Variants in PAX3 observed in about 807,000 individuals in gnomAD.
PAX3 encodes paired box 3.
A neutral mutation model predicts 51.6 loss-of-function variants in PAX3; 14 were observed. That is an observed-to-expected ratio of 0.27 (90% CI 0.18 to 0.42). The LOEUF is 0.42. PAX3 is among the 10% of genes least tolerant of loss of function. The pLI is 1.00. For synonymous variants in PAX3, 280 were observed against 253.4 expected, an observed-to-expected ratio of 1.11 and a Z score of -1.00; for missense variants, 540 against 642.8, an observed-to-expected ratio of 0.84 and a Z score of 1.73.
At position 222,298,850 on chromosome 2, in the gene PAX3, A is replaced by C. The variant is rs1695455092; in HGVS notation, c.-235T>G. 1 of 589,160 alleles carries C rather than the reference A, an allele frequency of 1.7e-6. No homozygotes were observed. The highest frequency in any genetic ancestry group is 3.0e-6 in the Non-Finnish European group (1 of 329,130). The allele number at this position is 589,160 out of a possible 1,614,324, so 36.5% of individuals were successfully genotyped here. On this transcript the variant is annotated 5_prime_UTR_variant, in exon 1 of 9. Transcript: ENST00000392070. ...CCCCGGAGTCCAGGATCCCGAGCCCAGGGCGGAAAAGTTTGGTACGAGTCT... is the reference window on the plus strand; with the variant it reads ...CCCCGGAGTCCAGGATCCCGAGCCCCGGGCGGAAAAGTTTGGTACGAGTCT...
intron 4 of PAX3, chr2:222,263,899 G>A (rs1287067842): frequency 1.1e-4 from 17 of 152,142 alleles, no homozygotes; most frequent in Admixed American, 1.1e-3. Flanking sequence ...ATTACATACT[G>A]TATGATTCCA....
At chr2:222,258,430 G>GA (rs150822610) in intron 4 of PAX3, among the ~76,000 whole-genome samples, 1,741 of 151,696 alleles carry the variant, frequency 0.011, 37 homozygotes, top group African/African-American at 0.038. Context: ...AGGGTAATTT[G>GA]AAAAAAAATC....
At chr2:222,294,402 T>G in intron 3 of PAX3, 101 bp from the exon 4 acceptor site, 19 of 1,289,950 alleles carry the variant, frequency 1.5e-5, no homozygotes, top group Non-Finnish European at 2.0e-5. Flanking sequence ...GCCAGGGCCC[T>G]AGAGCCGCTG....
intron 4 of PAX3, 77 bp downstream of exon 4, chr2:222,294,090 G>C: frequency 6.2e-7 from 1 of 1,602,888 alleles, no homozygotes; most frequent in Non-Finnish European, 8.5e-7. Flanking sequence ...CTTGGCTGCC[G>C]TCAGATCACC....
chr2:222,201,732 A>G (rs963660169), intron 8 of PAX3: 3 of 1,462,314 alleles, frequency 2.1e-6, no homozygotes, highest in Non-Finnish European at 2.7e-6. Flanking sequence ...ACGTCTCAAC[A>G]ATTAATAACC....
rs1695286086 is a variant in PAX3, at chr2:222,296,196, T to C, written c.322-539A>G. On this transcript the variant is annotated intron_variant, in intron 2 of 8. Coordinates refer to ENST00000392070, the MANE Select transcript of PAX3 (RefSeq NM_181458.4). ...CTGACTCTTCTCTCTACCCCCAATA[T>C]ATATTTTTTAAAAAGAAGAAGAAGG... Among the ~76,000 whole-genome samples the C allele has an allele frequency of 2.6e-5, 4 of 152,324 alleles. No homozygotes were observed. The South Asian group carries it at 8.3e-4, about 32-fold the overall frequency.
At chr2:222,201,795 C>A in intron 8 of PAX3, 149 bp downstream of exon 8, 1 of 1,545,094 alleles carries the variant, frequency 6.5e-7, no homozygotes, top group Non-Finnish European at 8.7e-7. Context: ...GAAGCCCCTG[C>A]TGGAACAGTC....
At chr2:222,243,548 C>T (rs1693098111) in intron 4 of PAX3, among the ~76,000 whole-genome samples, 1 of 152,168 alleles carries the variant, frequency 6.6e-6, no homozygotes. Context: ...TCTAGTCATG[C>T]CCTGTGGCAA....
Position 222,219,986 on chromosome 2 carries a change from G to A in PAX3, c.1173+154C>T, listed in dbSNP as rs1692119929. Among the ~76,000 whole-genome samples the A allele has an allele frequency of 2.0e-5, 3 of 152,130 alleles. No homozygotes were observed. The South Asian group carries it at 6.2e-4, about 31-fold the overall frequency. ...TTTTGATGAAGCCAGTAGGAAGGGTGGAGAGAAAGGAAACCAGAAAACTGA... is the reference window on the plus strand; with the variant it reads ...TTTTGATGAAGCCAGTAGGAAGGGTAGAGAGAAAGGAAACCAGAAAACTGA... On this transcript the variant is annotated intron_variant, in intron 7 of 8. Coordinates refer to ENST00000392070, the MANE Select transcript of PAX3 (RefSeq NM_181458.4).
At chr2:222,267,414 A>G (rs960079044) in intron 4 of PAX3, among the ~76,000 whole-genome samples, 2 of 152,206 alleles carry the variant, frequency 1.3e-5, no homozygotes, top group African/African-American at 4.8e-5. Flanking sequence ...ACTTTTAGTC[A>G]CCCTTTCAAA....
intron 4 of PAX3, among the ~76,000 whole-genome samples, chr2:222,270,291 C>T (rs192932164): frequency 3.9e-5 from 6 of 152,288 alleles, no homozygotes; most frequent in East Asian, 1.9e-4. Context: ...CAAACTGAAC[C>T]GTTGGCCTCC....
In PAX3 at chr2:222,298,895, T is replaced by C; in HGVS notation, c.-280A>G. The C allele has an allele frequency of 1.9e-6, 1 of 537,628 alleles. No individual in the cohort carries two copies. Among genetic ancestry groups the C allele is most frequent in the East Asian group, 3.1e-5 (1 of 31,906 alleles). The allele number at this position is 537,628 out of a possible 1,614,324, so 33.3% of individuals were successfully genotyped here. ...GAGTCTGGGCAAATGTTCCAGCGAC[T>C]GGGGTCCCTGAAAAGGGGGCTCAGA... On this transcript the variant is annotated 5_prime_UTR_variant, in exon 1 of 9. Coordinates refer to ENST00000392070, the MANE Select transcript of PAX3 (RefSeq NM_181458.4).
chr2:222,295,217 T>C (rs1007445069), intron 3 of PAX3, among the ~76,000 whole-genome samples: 5 of 152,168 alleles, frequency 3.3e-5, no homozygotes, highest in African/African-American at 1.2e-4. Flanking sequence ...TTTGTTTCTC[T>C]TTAAAAGGGA....
At chr2:222,263,585 C>T (rs762013065) in intron 4 of PAX3, 5 of 152,122 alleles carry the variant, frequency 3.3e-5, no homozygotes, top group Non-Finnish European at 7.4e-5. Flanking sequence ...TAAAGTTAAG[C>T]ATACAGTTAA....
intron 7 of PAX3, among the ~76,000 whole-genome samples, chr2:222,207,203 G>T (rs932090434): frequency 6.6e-6 from 1 of 152,110 alleles, no homozygotes; most frequent in Non-Finnish European, 1.5e-5. Context: ...TTAAATTTCA[G>T]TAACTGTATC....
intron 4 of PAX3, among the ~76,000 whole-genome samples, chr2:222,240,541 G>A (rs765852838): frequency 6.6e-6 from 1 of 152,190 alleles, no homozygotes; most frequent in Admixed American, 6.5e-5. Context: ...ATGCAGCCCT[G>A]CTAGTGATTA....
chr2:222,262,025 G>A (rs1243171622), intron 4 of PAX3, among the ~76,000 whole-genome samples: 1 of 152,164 alleles, frequency 6.6e-6, no homozygotes, highest in Non-Finnish European at 1.5e-5. Flanking sequence ...GGCAGTTACT[G>A]TTCTAATTTC....
In PAX3 at chr2:222,232,190, G is replaced by A; in HGVS notation, c.680C>T (p.Thr227Ile). Reference protein sequence around the residue: ...RKQRRSRTTFTAEQLEELERA... With the variant: ...RKQRRSRTTFIAEQLEELERA... ...CTCCAGTTCCTCCAGCTGTTCTGCTGTGAAGGTGGTTCGGCTTCTGCGCTG... is the reference window on the plus strand; with the variant it reads ...CTCCAGTTCCTCCAGCTGTTCTGCTATGAAGGTGGTTCGGCTTCTGCGCTG... The change falls in exon 5 of 9, where the codon ACA becomes ATA. Residue 227 changes from threonine to isoleucine, a missense_variant. Physicochemically the swap from Thr to Ile is moderately conservative, Grantham distance 89. Transcript: ENST00000392070. 1 of 1,614,116 alleles carries A rather than the reference G, an allele frequency of 6.2e-7. No individual in the cohort carries two copies.
intron 4 of PAX3, chr2:222,265,145 T>A (rs550507615): frequency 5.3e-5 from 8 of 152,300 alleles, no homozygotes; most frequent in African/African-American, 1.7e-4. Flanking sequence ...AGAGAATATA[T>A]CTTATTAATC....
Sources: gnomAD v4.1 joint callset for allele counts (sites outside exome capture counted in the v4.1 genomes callset) on GRCh38, gnomAD v4.1.1 for gene constraint, MANE v1.5 for transcripts, NCBI Gene and HGNC (gene_info 2026-07-23, HGNC 2026-07-21) for gene names.